The following ANXA3 variants were observed in gnomAD, a reference collection of about 807,000 sequenced individuals.
ANXA3 encodes 35-alpha calcimedin.
In ANXA3, 46 loss-of-function variants were observed where a neutral mutation model predicts 48.8. The observed-to-expected ratio is 0.94, with a 90% confidence interval of 0.74 to 1.21. ANXA3 has a LOEUF of 1.21. Ranked by LOEUF, ANXA3 falls within the 50% of genes most tolerant of loss-of-function variation. The pLI is 0.00. For missense variants in ANXA3, 383 were observed against 378.6 expected, an observed-to-expected ratio of 1.01 and a Z score of -0.10; for synonymous variants, 128 against 134.7, an observed-to-expected ratio of 0.95 and a Z score of 0.35.
At chr4:78,584,794 C>T (rs1307763909) in intron 5 of ANXA3, among the ~76,000 whole-genome samples, 3 of 152,174 alleles carry the variant, frequency 2.0e-5, no homozygotes, top group Admixed American at 6.5e-5. Flanking sequence ...TTGAGAAACA[C>T]CTGTGAAGGA....
chr4:78,594,149 C>A (rs913218366), intron 7 of ANXA3, among the ~76,000 whole-genome samples: 1 of 150,014 alleles, frequency 6.7e-6, no homozygotes, highest in African/African-American at 2.5e-5. Flanking sequence ...TCATACAGTA[C>A]GTAGCCATTT....
intron 6 of ANXA3, among the ~76,000 whole-genome samples, chr4:78,590,480 C>G (rs973699478): frequency 1.1e-4 from 16 of 152,122 alleles, no homozygotes; most frequent in African/African-American, 3.9e-4. Context: ...ATTCTCATGG[C>G]TAGTATGGCT....
intron 9 of ANXA3, among the ~76,000 whole-genome samples, chr4:78,596,858 G>A (rs1723433593): frequency 1.3e-5 from 2 of 152,176 alleles, no homozygotes; most frequent in South Asian, 4.1e-4. Flanking sequence ...AATGCCTTCT[G>A]GGAGGTGTGA....
In ANXA3 at chr4:78,594,296, C is replaced by T. The variant is rs570759593; in HGVS notation, c.484-1085C>T. Among the ~76,000 whole-genome samples, 5 of 121,356 alleles carry T rather than the reference C, an allele frequency of 4.1e-5. No homozygotes were observed. In the East Asian group the frequency reaches 1.4e-3, roughly 33 times the overall value. 79.6% of individuals were successfully genotyped at this position (121,356 alleles called of 152,430 possible). A position where few individuals can be genotyped will look rare whatever the true frequency, so the allele number is the denominator to read the frequency against. On this transcript the variant is annotated intron_variant, in intron 7 of 12. Coordinates refer to ENST00000264908, the MANE Select transcript of ANXA3 (RefSeq NM_005139.3). ...AATATTTATTTTACCTGCTGAAAGGCATCTTCTTTGCTTCCAAGTTTGGCA... is the reference window on the plus strand; with the variant it reads ...AATATTTATTTTACCTGCTGAAAGGTATCTTCTTTGCTTCCAAGTTTGGCA...
intron 11 of ANXA3, 47 bp downstream of exon 11, chr4:78,601,615 T>C (rs1472627822): frequency 2.0e-6 from 3 of 1,498,048 alleles, no homozygotes; most frequent in South Asian, 2.3e-5. Flanking sequence ...CTTAATTCCC[T>C]TGGGAAAGTA....
At chr4:78,607,488 T>C (rs563964700) in intron 12 of ANXA3, among the ~76,000 whole-genome samples, 9 of 152,314 alleles carry the variant, frequency 5.9e-5, no homozygotes, top group Non-Finnish European at 1.2e-4. Context: ...AACCAATGTG[T>C]ACCTCTTACT....
chr4:78,578,027 C>G (rs1381841428), intron 3 of ANXA3, among the ~76,000 whole-genome samples: 4 of 151,776 alleles, frequency 2.6e-5, no homozygotes. Context: ...CCCTGAAATC[C>G]CGGCACTTTG....
At chr4:78,604,433 T>G in intron 12 of ANXA3, 34 bp downstream of exon 12, 1 of 1,593,388 alleles carries the variant, frequency 6.3e-7, no homozygotes, top group South Asian at 1.1e-5. Flanking sequence ...AAAACATATT[T>G]TGCCCTTCTC....
rs1722515570 is a variant in ANXA3, at chr4:78,556,610, T to G, written c.15+2122T>G. ...ACCATCCCTTGGCCTGGCGTATGGA[T>G]GGAAGGTGTGCTGTTGGAAGGCTTT... On this transcript the variant is annotated intron_variant, in intron 2 of 12. Coordinates refer to ENST00000264908, the MANE Select transcript of ANXA3 (RefSeq NM_005139.3). Among the ~76,000 whole-genome samples the G allele has an allele frequency of 1.3e-5, 2 of 152,152 alleles. 1 individual carries two copies. Among genetic ancestry groups the G allele is most frequent in the Non-Finnish European group, 2.9e-5 (2 of 68,006 alleles).
chr4:78,595,944 C>A, intron 9 of ANXA3, 57 bp downstream of exon 9: 2 of 1,193,376 alleles, frequency 1.7e-6, no homozygotes, highest in Non-Finnish European at 1.2e-6. Flanking sequence ...AATGTTTTTG[C>A]ATTTAGTATA....
intron 2 of ANXA3, among the ~76,000 whole-genome samples, chr4:78,559,166 A>G (rs1486117198): frequency 6.6e-6 from 1 of 151,934 alleles, no homozygotes; most frequent in Non-Finnish European, 1.5e-5. Context: ...TGCAGCCTCA[A>G]CCTCCTGGGC....
At chr4:78,575,681 G>T (rs76483246) in intron 3 of ANXA3, among the ~76,000 whole-genome samples, 3,080 of 152,226 alleles carry the variant, frequency 0.02, 123 homozygotes, top group African/African-American at 0.07. Context: ...AACGTGAAAT[G>T]GATTAATACA....
intron 7 of ANXA3, among the ~76,000 whole-genome samples, chr4:78,594,719 G>T (rs1413332394): frequency 6.6e-6 from 1 of 152,102 alleles, no homozygotes; most frequent in African/African-American, 2.4e-5. Context: ...TTTTAAATTG[G>T]GTTGTTATTT....
At chr4:78,598,568 C>T (rs975903254) in intron 10 of ANXA3, among the ~76,000 whole-genome samples, 2 of 151,282 alleles carry the variant, frequency 1.3e-5, no homozygotes, top group Non-Finnish European at 2.9e-5. Flanking sequence ...GTGACGGAGT[C>T]TCGCTCGGTT....
At position 78,586,337 on chromosome 4, in the gene ANXA3, A is replaced by G. The variant is rs200008549; in HGVS notation, c.390A>G (p.Gln130=). 6.8e-5 allele frequency: 109 copies of G among 1,612,712 alleles called. No homozygotes were observed. Among genetic ancestry groups the G allele is most frequent in the Non-Finnish European group, 8.9e-5 (105 of 1,179,022 alleles). Reference sequence around the variant, plus strand: ...GCAGGCAAATGAAGGATATCTCTCAAGCCTATTATACAGGTGTCTTATTTT... The same window carrying G: ...GCAGGCAAATGAAGGATATCTCTCAGGCCTATTATACAGGTGTCTTATTTT... ...RTSRQMKDIS[Q]AYYTVYKKSL... is the part of the protein sequence containing the mutation. The change falls in exon 6 of 13, where the codon CAA becomes CAG. Residue 130 remains glutamine, a synonymous_variant. Coordinates refer to ENST00000264908, the MANE Select transcript of ANXA3 (RefSeq NM_005139.3).
intron 5 of ANXA3, 30 bp downstream of exon 5, chr4:78,582,320 C>G (rs1723089593): frequency 1.4e-6 from 2 of 1,470,074 alleles, no homozygotes; most frequent in Non-Finnish European, 1.9e-6. Flanking sequence ...CATTTCTGCC[C>G]AGGGTTTGAC....
intron 5 of ANXA3, 118 bp from the exon 6 acceptor site, chr4:78,586,142 C>T (rs1468182563): frequency 5.0e-6 from 3 of 594,872 alleles, no homozygotes; most frequent in Non-Finnish European, 8.5e-6. Context: ...AATAGAGAAC[C>T]TTGTATTGAT....
At chr4:78,575,896 G>A (rs1265710257) in intron 3 of ANXA3, among the ~76,000 whole-genome samples, 1 of 151,780 alleles carries the variant, frequency 6.6e-6, no homozygotes, top group Non-Finnish European at 1.5e-5. Context: ...TAGTGTTCAT[G>A]GATGGTATTT....
intron 3 of ANXA3, among the ~76,000 whole-genome samples, chr4:78,575,251 A>G (rs1722923189): frequency 6.6e-6 from 1 of 151,934 alleles, no homozygotes; most frequent in African/African-American, 2.4e-5. Context: ...ATAATTCCTC[A>G]ATACAGACTT....
Sources: allele counts gnomAD v4.1 joint callset (sites outside exome capture counted in the v4.1 genomes callset), GRCh38; gene constraint gnomAD v4.1.1; transcripts MANE v1.5; gene names NCBI Gene and HGNC (gene_info 2026-07-23, HGNC 2026-07-21).